CACNA2D2: variants seen among roughly 807,000 people sequenced by gnomAD.
The protein encoded by CACNA2D2 is calcium voltage-gated channel auxiliary subunit alpha2delta 2, also known as voltage-dependent calcium channel subunit alpha-2/delta-2.
Under a neutral mutation model 166.4 loss-of-function variants are expected in CACNA2D2, and 48 were observed. The observed-to-expected ratio is 0.29, with a 90% CI of 0.23 to 0.37. The LOEUF (loss-of-function observed/expected upper bound fraction) is 0.37. Among genes scored for constraint, CACNA2D2 ranks in the 10% least tolerant of loss-of-function variants. The pLI, the probability that CACNA2D2 is intolerant of heterozygous loss-of-function variation, is 1.00. For synonymous variants in CACNA2D2, 561 were observed against 573.7 expected, an observed-to-expected ratio of 0.98 and a Z score of 0.32; for missense variants, 1,122 against 1,433.0, an observed-to-expected ratio of 0.78 and a Z score of 3.50.
At position 50,380,865 on chromosome 3, in the gene CACNA2D2, C is replaced by G; in HGVS notation, c.785-60G>C. The G allele has an allele frequency of 6.5e-7, 1 of 1,531,898 alleles. No homozygotes were observed. Among genetic ancestry groups the G allele is most frequent in the Admixed American group, 2.0e-5 (1 of 49,070 alleles). 94.9% of individuals were successfully genotyped at this position (1,531,898 alleles called of 1,614,324 possible). ...GAAAGGGCTGGCCTGGGTAGGCAGA[C>G]CTTGCAGAGGCGACTGGGCTGCCAC... On this transcript the variant is annotated intron_variant, in intron 7 of 37. Coordinates refer to ENST00000424201, the MANE Select transcript of CACNA2D2 (RefSeq NM_006030.4). The surrounding 1 kb of genome is among the most constrained non-coding windows in gnomAD (Gnocchi z 4.9).
chr3:50,489,591 G>A (rs1158049447), intron 1 of CACNA2D2, among the ~76,000 whole-genome samples: 1 of 151,978 alleles, frequency 6.6e-6, no homozygotes, highest in African/African-American at 2.4e-5. Context: ...GAAAGACAGC[G>A]GTGGGGCTGC....
chr3:50,368,978 G>A (rs894279106), intron 23 of CACNA2D2, among the ~76,000 whole-genome samples: 2 of 152,214 alleles, frequency 1.3e-5, no homozygotes, highest in African/African-American at 4.8e-5. Context: ...ACCAGGGACC[G>A]CTTCATTGTC....
At chr3:50,394,204 G>C in intron 3 of CACNA2D2, 36 bp from the exon 4 acceptor site, 1 of 1,592,104 alleles carries the variant, frequency 6.3e-7, no homozygotes, top group Non-Finnish European at 8.6e-7. Flanking sequence ...AGAAGCGGAG[G>C]AAGGCAGCCT....
chr3:50,434,233 G>T, intron 3 of CACNA2D2, 80 bp downstream of exon 3: 2 of 964,450 alleles, frequency 2.1e-6, no homozygotes, highest in Non-Finnish European at 1.7e-6. Flanking sequence ...GAAGGCTCAG[G>T]ACACTGCCCT....
chr3:50,474,186 G>A (rs1710214406), intron 2 of CACNA2D2, among the ~76,000 whole-genome samples: 2 of 152,232 alleles, frequency 1.3e-5, no homozygotes, highest in African/African-American at 4.8e-5. Flanking sequence ...CTGCTGGGAG[G>A]GAGAGGGTGG....
In CACNA2D2 at chr3:50,363,397, C is replaced by T. The variant is rs1474922834; in HGVS notation, c.*1269G>A. The T allele has an allele frequency of 2.5e-6, 1 of 397,824 alleles. No individual in the cohort carries two copies. The allele number at this position is 397,824 out of a possible 1,614,324, so 24.6% of individuals were successfully genotyped here. A position where few individuals can be genotyped will look rare whatever the true frequency, so the allele number is the denominator to read the frequency against. On this transcript the variant is annotated 3_prime_UTR_variant, in exon 38 of 38. Transcript: ENST00000424201. ...CCTTGCCCTCAGTTCCCCACTGGCC[C>T]CCAGGCTGGGATGCCTTTGGGGGAA...
chr3:50,365,640 G>C lies in CACNA2D2; in HGVS notation c.2964C>G (p.Phe988Leu). The change falls in exon 34 of 38, where the codon TTC (phenylalanine) becomes TTG (leucine). Residue 988 changes from phenylalanine (F) to leucine (L), a missense_variant. By Grantham distance (22) the Phe-to-Leu change is conservative. This residue lies in a region of CACNA2D2 where 282 missense variants were observed against 266.2 expected (regional missense o/e 1.06). Coordinates refer to ENST00000424201, the MANE Select transcript of CACNA2D2 (RefSeq NM_006030.4). This position sits in a 1 kb window ranked among gnomAD's most constrained non-coding sequence, Gnocchi z 4.5. The part of the protein sequence containing the change: ...LLYGLIYHSW[F>L]QADPAEAEGS... Reference sequence around the variant, plus strand: ...CTCCAAAGCCCTACCTACCTGCTTGGAACCAGCTGTGGTAGATGAGGCCGT... The same window carrying C: ...CTCCAAAGCCCTACCTACCTGCTTGCAACCAGCTGTGGTAGATGAGGCCGT... 6.3e-7 allele frequency: 1 copy of C among 1,578,944 alleles called. No individual in the cohort carries two copies. The highest frequency in any genetic ancestry group is 8.6e-7 in the Non-Finnish European group (1 of 1,162,404).
chr3:50,390,622 T>G (rs1705839175), intron 4 of CACNA2D2, among the ~76,000 whole-genome samples: 1 of 151,594 alleles, frequency 6.6e-6, no homozygotes, highest in South Asian at 2.1e-4. Flanking sequence ...TGGGTAGGAG[T>G]TGGGGGAGTC....
intron 2 of CACNA2D2, among the ~76,000 whole-genome samples, chr3:50,457,603 T>A (rs1709417665): frequency 6.6e-6 from 1 of 152,162 alleles, no homozygotes; most frequent in Non-Finnish European, 1.5e-5. Context: ...CCTTGCCTCT[T>A]GCTCCAGCCT....
At chr3:50,429,805 A>G (rs998903991) in intron 3 of CACNA2D2, among the ~76,000 whole-genome samples, 1 of 151,000 alleles carries the variant, frequency 6.6e-6, no homozygotes, top group African/African-American at 2.4e-5. Flanking sequence ...CTGAATCTAC[A>G]CAGAATCATC....
chr3:50,476,793 T>C (rs1458028297), intron 1 of CACNA2D2, among the ~76,000 whole-genome samples: 2 of 152,130 alleles, frequency 1.3e-5, no homozygotes, highest in South Asian at 2.1e-4. Flanking sequence ...CCGAGGCTCA[T>C]TGCTGGATGT....
chr3:50,393,720 C>T (rs551547683), intron 4 of CACNA2D2, among the ~76,000 whole-genome samples: 5 of 152,226 alleles, frequency 3.3e-5, no homozygotes, highest in Admixed American at 6.5e-5. Context: ...CAGGGAAGGG[C>T]ATTTGGTCCC....
At chr3:50,404,766 T>G (rs1358691351) in intron 3 of CACNA2D2, among the ~76,000 whole-genome samples, 2 of 152,080 alleles carry the variant, frequency 1.3e-5, no homozygotes, top group East Asian at 1.9e-4. Context: ...TTACGTGGGG[T>G]GCCAGCAGTA....
chr3:50,434,138 C>T lies in CACNA2D2; in HGVS notation c.405+175G>A, dbSNP rs146699907. ...ATGCAGCTACTCCAGATAGTATCATCCTGTTCCTGCCGCAGCTGCCCACAT... is the reference window on the plus strand; with the variant it reads ...ATGCAGCTACTCCAGATAGTATCATTCTGTTCCTGCCGCAGCTGCCCACAT... On this transcript the variant is annotated intron_variant, in intron 3 of 37. Transcript: ENST00000424201. 9.8e-5 allele frequency among the ~76,000 whole-genome samples: 15 copies of T among 152,308 alleles called. No individual in the cohort carries two copies. In the East Asian group the frequency reaches 2.7e-3, roughly 27 times the overall value.
Position 50,376,765 on chromosome 3 carries a change from G to C in CACNA2D2, c.1627-577C>G, listed in dbSNP as rs986768162. Among the ~76,000 whole-genome samples the C allele has an allele frequency of 6.6e-6, 1 of 152,180 alleles. No individual in the cohort carries two copies. Among genetic ancestry groups the C allele is most frequent in the Admixed American group, 6.5e-5 (1 of 15,274 alleles). ...ACTCAGGGCCAAGCAGAGGCTTCAG[G>C]GGGGCTCAGGCTTAATGATGCTGTT... On this transcript the variant is annotated intron_variant, in intron 17 of 37. Transcript: ENST00000424201. The surrounding 1 kb of genome is among the most constrained non-coding windows in gnomAD (Gnocchi z 4.3).
At chr3:50,370,053 G>T (rs1704571188) in intron 23 of CACNA2D2, among the ~76,000 whole-genome samples, 1 of 152,246 alleles carries the variant, frequency 6.6e-6, no homozygotes, top group African/African-American at 2.4e-5. Context: ...GGTTGCCTGG[G>T]AGGGCAGGGA....
intron 3 of CACNA2D2, among the ~76,000 whole-genome samples, chr3:50,418,177 A>G (rs1396525372): frequency 1.3e-5 from 2 of 152,152 alleles, no homozygotes; most frequent in Admixed American, 1.3e-4. Context: ...CCATCTGCAG[A>G]GCCGCAGAAG....
At chr3:50,489,914 C>T (rs963088487) in intron 1 of CACNA2D2, among the ~76,000 whole-genome samples, 8 of 149,894 alleles carry the variant, frequency 5.3e-5, no homozygotes, top group African/African-American at 2.0e-4. Flanking sequence ...CCCATGTCTT[C>T]TTCACTGTTT....
At chr3:50,480,827 G>A (rs1384946622) in intron 1 of CACNA2D2, among the ~76,000 whole-genome samples, 1 of 65,396 alleles carries the variant, frequency 1.5e-5, no homozygotes, top group African/African-American at 6.5e-5. Context: ...GGGTAAAGAG[G>A]AAGGGGGTTG....
Sources: gnomAD v4.1 joint callset for allele counts (sites outside exome capture counted in the v4.1 genomes callset) on GRCh38, gnomAD v4.1.1 for gene constraint, gnomAD v4.1.1 regional missense constraint, Gnocchi (gnomAD v3.1) non-coding constraint, MANE v1.5 for transcripts, NCBI Gene and HGNC (gene_info 2026-07-23, HGNC 2026-07-21) for gene names.